ANK2: variants seen among roughly 807,000 people sequenced by gnomAD.
ANK2 encodes ankyrin 2.
A neutral mutation model predicts 360.5 loss-of-function variants in ANK2; 83 were observed. That is an observed-to-expected ratio of 0.23 (90% CI 0.19 to 0.28). The LOEUF is 0.28. Ranked by LOEUF, ANK2 falls within the 10% of genes least tolerant of loss-of-function variation. The pLI is 1.00. For missense variants in ANK2, 4,201 were observed against 4,795.7 expected (o/e 0.88, Z 3.66); for synonymous variants, 1,740 against 1,759.5 (o/e 0.99, Z 0.28).
chr4:112,789,833 C>G, the ANK2 span, among the ~76,000 whole-genome samples: 1 of 152,210 alleles, frequency 6.6e-6, no homozygotes, highest in Non-Finnish European at 1.5e-5. Flanking sequence ...CAAAACCTCT[C>G]TCTCTTTGCA....
At chr4:113,016,633 C>T (rs2154295223) in intron 2 of ANK2, among the ~76,000 whole-genome samples, 1 of 152,188 alleles carries the variant, frequency 6.6e-6, no homozygotes, top group African/African-American at 2.4e-5. Context: ...AGAGTGTTAA[C>T]CCATCTCCCC....
intron 1 of ANK2, among the ~76,000 whole-genome samples, chr4:113,078,650 A>G (rs1433624640): frequency 6.6e-6 from 1 of 152,220 alleles, no homozygotes; most frequent in Non-Finnish European, 1.5e-5. Context: ...GTTAGGAAAG[A>G]TTAAGGAAGG....
chr4:113,260,222 G>T (rs553102065), intron 13 of ANK2, among the ~76,000 whole-genome samples: 1 of 152,186 alleles, frequency 6.6e-6, no homozygotes, highest in Non-Finnish European at 1.5e-5. Context: ...TCTTCAGGTG[G>T]TTATGGAGTT....
At chr4:112,790,412 G>A in the ANK2 span, among the ~76,000 whole-genome samples, 3 of 151,666 alleles carry the variant, frequency 2.0e-5, no homozygotes, top group Admixed American at 1.3e-4. Context: ...CGGATGACCG[G>A]ATTTCTAGCA....
chr4:113,077,305 G>C (rs1333923645), intron 1 of ANK2, among the ~76,000 whole-genome samples: 1 of 152,026 alleles, frequency 6.6e-6, no homozygotes, highest in Non-Finnish European at 1.5e-5. Flanking sequence ...GAAAAATTGA[G>C]TGGAAAAACA....
At chr4:112,779,116 G>A in the ANK2 span, among the ~76,000 whole-genome samples, 1 of 152,102 alleles carries the variant, frequency 6.6e-6, no homozygotes, top group South Asian at 2.1e-4. Context: ...GCTGTTTTCT[G>A]GGAGTGCCGA....
intron 1 of ANK2, among the ~76,000 whole-genome samples, chr4:113,051,936 A>G (rs952209496): frequency 1.1e-4 from 16 of 152,358 alleles, no homozygotes; most frequent in Admixed American, 2.6e-4. Context: ...GTTTATTGCA[A>G]TAAGCCTTTT....
chr4:112,952,714 A>C (rs2095104622), intron 2 of ANK2, among the ~76,000 whole-genome samples: 1 of 152,200 alleles, frequency 6.6e-6, no homozygotes, highest in African/African-American at 2.4e-5. Flanking sequence ...ATTGAGCAAA[A>C]TTATTATCAT....
At chr4:112,709,514 C>T in the ANK2 span, among the ~76,000 whole-genome samples, 5 of 151,992 alleles carry the variant, frequency 3.3e-5, no homozygotes, top group South Asian at 6.2e-4. Context: ...TTTTGGAGGC[C>T]GAGGTGGGAG....
At chr4:113,158,831 A>T (rs2097399521) in intron 1 of ANK2, among the ~76,000 whole-genome samples, 1 of 152,154 alleles carries the variant, frequency 6.6e-6, no homozygotes, top group African/African-American at 2.4e-5. Context: ...AATGAACAAG[A>T]TCTTTCTGGG....
At chr4:113,111,714 T>C (rs2154366018) in intron 1 of ANK2, among the ~76,000 whole-genome samples, 1 of 152,284 alleles carries the variant, frequency 6.6e-6, no homozygotes, top group Middle Eastern at 3.4e-3. Context: ...AAAAAAACCT[T>C]GTGAGCAATA....
intron 1 of ANK2, among the ~76,000 whole-genome samples, chr4:113,083,081 A>T (rs2083058517): frequency 6.6e-6 from 1 of 151,840 alleles, no homozygotes; most frequent in Non-Finnish European, 1.5e-5. Context: ...AAATTTTTAA[A>T]TTTTATTTTA....
intron 14 of ANK2, among the ~76,000 whole-genome samples, chr4:113,272,258 C>T (rs796939860): frequency 3.3e-5 from 5 of 152,340 alleles, no homozygotes; most frequent in African/African-American, 9.6e-5. Flanking sequence ...AAGCAGAGCT[C>T]ACCTACTTCC....
chr4:113,118,516 A>AG (rs2095062591), intron 1 of ANK2, among the ~76,000 whole-genome samples: 1 of 152,176 alleles, frequency 6.6e-6, no homozygotes, highest in Non-Finnish European at 1.5e-5. Flanking sequence ...CTTACTGCAT[A>AG]GGGATTCATT....
At position 113,353,828 on chromosome 4, in the gene ANK2, T is replaced by C. The variant is rs1458341997; in HGVS notation, c.5210T>C (p.Leu1737Ser). 1.2e-6 allele frequency: 2 copies of C among 1,613,892 alleles called. No homozygotes were observed. Among genetic ancestry groups the C allele is most frequent in the African/African-American group, 1.3e-5 (1 of 74,896 alleles). The stretch of plus-strand genomic sequence containing the variant: ...AAAAAAGGTAGTTCAGAAGAGTCAT[T>C]AGGTGAAGACCCAGGTTTAGCCCCT... The part of the protein sequence containing the change: ...ELKKGSSEES[L>S]GEDPGLAPEP... The change falls in exon 38 of 46, where the codon TTA (leucine) becomes TCA (serine). Residue 1737 changes from leucine to serine, a missense_variant. Physicochemically the swap from Leu to Ser is moderately radical, Grantham distance 145. Transcript: ENST00000357077.
intron 1 of ANK2, among the ~76,000 whole-genome samples, chr4:112,889,512 C>G (rs1321690615): frequency 6.6e-6 from 1 of 151,728 alleles, no homozygotes; most frequent in Non-Finnish European, 1.5e-5. Flanking sequence ...AGATGACTCA[C>G]TTTTTTTGAT....
chr4:113,345,266 A>G (rs2094712105), intron 34 of ANK2, among the ~76,000 whole-genome samples: 1 of 152,178 alleles, frequency 6.6e-6, no homozygotes, highest in Non-Finnish European at 1.5e-5. Context: ...AAAGTAGAAT[A>G]GAGGTTATTA....
At chr4:112,734,021 C>T in the ANK2 span, among the ~76,000 whole-genome samples, 5 of 152,200 alleles carry the variant, frequency 3.3e-5, no homozygotes, top group Admixed American at 2.0e-4. Context: ...GTGATCCACC[C>T]GCCTCGGCCT....
chr4:113,292,892 C>A, intron 21 of ANK2: 2 of 366,362 alleles, frequency 5.5e-6, no homozygotes, highest in Non-Finnish European at 1.1e-5. Context: ...GTTGTGGAGC[C>A]ATTGAAATGT....
Sources: gnomAD v4.1 joint callset for allele counts (sites outside exome capture counted in the v4.1 genomes callset) on GRCh38, gnomAD v4.1.1 for gene constraint, MANE v1.5 for transcripts, NCBI Gene and HGNC (gene_info 2026-07-23, HGNC 2026-07-21) for gene names.